Variants in HS3ST4 observed in about 807,000 individuals in gnomAD.
The protein encoded by HS3ST4 is heparan sulfate glucosamine 3-O-sulfotransferase 4.
A neutral mutation model predicts 29.2 loss-of-function variants in HS3ST4; 17 were observed. That is an observed-to-expected ratio of 0.58 (90% confidence interval 0.40 to 0.87). HS3ST4 has a LOEUF of 0.87. Ranked by LOEUF, HS3ST4 falls within the 40% of genes least tolerant of loss-of-function variation. The probability of loss-of-function intolerance (pLI) is 0.00; values close to 1 mark genes in which losing one functional copy is unlikely to be tolerated. For missense variants in HS3ST4, 627 were observed against 634.5 expected, an observed-to-expected ratio of 0.99 and a Z score of 0.13; for synonymous variants, 314 against 285.7, an observed-to-expected ratio of 1.10 and a Z score of -1.00.
At chr16:25,844,416 A>G (rs1161676535) in intron 1 of HS3ST4, among the ~76,000 whole-genome samples, 1 of 152,194 alleles carries the variant, frequency 6.6e-6, no homozygotes, top group African/African-American at 2.4e-5. Flanking sequence ...CCAGTTTTCT[A>G]TATTAGTCCT....
chr16:25,966,085 T>C (rs965697301), intron 1 of HS3ST4, among the ~76,000 whole-genome samples: 1 of 152,224 alleles, frequency 6.6e-6, no homozygotes, highest in African/African-American at 2.4e-5. Context: ...ATGCGTTATA[T>C]GGAGTATCTC....
chr16:25,910,740 C>T (rs1182059721), intron 1 of HS3ST4, among the ~76,000 whole-genome samples: 2 of 152,214 alleles, frequency 1.3e-5, no homozygotes, highest in East Asian at 1.9e-4. Flanking sequence ...CACTGAAATT[C>T]CACCTACAAA....
intron 1 of HS3ST4, among the ~76,000 whole-genome samples, chr16:25,768,304 A>G (rs1029911920): frequency 6.6e-6 from 1 of 152,224 alleles, no homozygotes; most frequent in African/African-American, 2.4e-5. Context: ...AAATTGACAT[A>G]ACTTTGCTGA....
intron 1 of HS3ST4, among the ~76,000 whole-genome samples, chr16:25,975,710 G>T (rs1419119560): frequency 2.0e-5 from 3 of 152,122 alleles, no homozygotes; most frequent in Non-Finnish European, 4.4e-5. Context: ...CTCATGGGAA[G>T]AGAAATCCTC....
At chr16:26,046,835 T>A (rs1310545034) in intron 1 of HS3ST4, among the ~76,000 whole-genome samples, 2 of 152,192 alleles carry the variant, frequency 1.3e-5, no homozygotes, top group Non-Finnish European at 2.9e-5. Context: ...CCTCTGAGAT[T>A]GGTACTGTTA....
At chr16:26,078,550 A>T (rs1263922247) in intron 1 of HS3ST4, among the ~76,000 whole-genome samples, 1 of 152,186 alleles carries the variant, frequency 6.6e-6, no homozygotes, top group Non-Finnish European at 1.5e-5. Context: ...TGGTCTTATT[A>T]GAAAGGATTG....
intron 1 of HS3ST4, among the ~76,000 whole-genome samples, chr16:26,130,196 G>A (rs1053966247): frequency 5.3e-5 from 8 of 152,140 alleles, no homozygotes; most frequent in African/African-American, 1.2e-4. Context: ...GTGTGTTGAC[G>A]CTGATGTCAC....
At chr16:26,124,523 T>C (rs956839916) in intron 1 of HS3ST4, among the ~76,000 whole-genome samples, 1 of 152,202 alleles carries the variant, frequency 6.6e-6, no homozygotes, top group Admixed American at 6.5e-5. Flanking sequence ...AAAACATACG[T>C]AGTACAAGAG....
At chr16:25,802,209 A>C (rs1966945869) in intron 1 of HS3ST4, among the ~76,000 whole-genome samples, 1 of 152,140 alleles carries the variant, frequency 6.6e-6, no homozygotes, top group African/African-American at 2.4e-5. Flanking sequence ...GTTTATTTAG[A>C]TTTAACTCTG....
intron 1 of HS3ST4, among the ~76,000 whole-genome samples, chr16:25,907,690 C>T (rs563940147): frequency 7.2e-5 from 11 of 152,268 alleles, no homozygotes; most frequent in East Asian, 3.9e-4. Context: ...ATTGTTCCTT[C>T]GGCACCCGGG....
At chr16:26,121,924 T>C (rs1442025428) in intron 1 of HS3ST4, among the ~76,000 whole-genome samples, 1 of 152,110 alleles carries the variant, frequency 6.6e-6, no homozygotes, top group Admixed American at 6.5e-5. Flanking sequence ...CAGGGTCAGG[T>C]GAAATTTGTT....
chr16:25,817,590 C>G (rs540469069), intron 1 of HS3ST4, among the ~76,000 whole-genome samples: 20 of 152,212 alleles, frequency 1.3e-4, no homozygotes, highest in East Asian at 7.7e-4. Context: ...TGGATGGTAC[C>G]CAGAAGAGAG....
intron 1 of HS3ST4, among the ~76,000 whole-genome samples, chr16:26,033,828 C>T (rs965415942): frequency 6.6e-6 from 1 of 152,112 alleles, no homozygotes; most frequent in East Asian, 1.9e-4. Flanking sequence ...GCAAGCTGGG[C>T]GATCCTAGCC....
chr16:25,730,252 T>G (rs372878857), intron 1 of HS3ST4, among the ~76,000 whole-genome samples: 5 of 152,304 alleles, frequency 3.3e-5, no homozygotes, highest in African/African-American at 1.2e-4. Context: ...TTCTTCCTGT[T>G]GGTACTTTGA....
intron 1 of HS3ST4, among the ~76,000 whole-genome samples, chr16:25,835,659 A>C (rs1424975694): frequency 6.6e-6 from 1 of 152,236 alleles, no homozygotes; most frequent in African/African-American, 2.4e-5. Context: ...GCTCAGGTCC[A>C]GTAAGTGGAG....
Position 25,692,985 on chromosome 16 carries a change from C to T in HS3ST4, c.568C>T (p.Pro190Ser). The change falls in exon 1 of 2, where the codon CCC becomes TCC. Residue 190 changes from proline (P) to serine (S), a missense_variant. This residue lies in a region of HS3ST4 where 402 missense variants were observed against 340.8 expected (regional missense o/e 1.18). Transcript: ENST00000331351. ...SSERGGAVST[P>S]DYGEKKLPQA... ...CGAGAGGGGCGGCGCCGTCAGCACC[C>T]CCGACTATGGGGAGAAGAAGCTGCC... 6.2e-7 allele frequency: 1 copy of T among 1,611,352 alleles called. No individual in the cohort carries two copies. Among genetic ancestry groups the T allele is most frequent in the Non-Finnish European group, 8.5e-7 (1 of 1,179,362 alleles).
At chr16:26,050,948 AC>A (rs1436670053) in intron 1 of HS3ST4, among the ~76,000 whole-genome samples, 19 of 152,150 alleles carry the variant, frequency 1.2e-4, no homozygotes, top group Non-Finnish European at 2.4e-4. Context: ...GAAATGTTAA[AC>A]ACTGTCTGCA....
intron 1 of HS3ST4, among the ~76,000 whole-genome samples, chr16:25,714,970 A>C (rs1203869934): frequency 6.6e-6 from 1 of 152,218 alleles, no homozygotes. Flanking sequence ...TCTTATTTCT[A>C]AGTTCTTGGG....
intron 1 of HS3ST4, among the ~76,000 whole-genome samples, chr16:25,893,608 G>A (rs1324908682): frequency 6.6e-6 from 1 of 152,186 alleles, no homozygotes; most frequent in Admixed American, 6.5e-5. Context: ...AAATTCATGG[G>A]CCAATCACTG....
Sources: gnomAD v4.1 joint callset for allele counts (sites outside exome capture counted in the v4.1 genomes callset) on GRCh38, gnomAD v4.1.1 for gene constraint, gnomAD v4.1.1 regional missense constraint, MANE v1.5 for transcripts, NCBI Gene and HGNC (gene_info 2026-07-23, HGNC 2026-07-21) for gene names.